NAALADL2: variants seen among roughly 807,000 people sequenced by gnomAD.
NAALADL2 encodes N-acetylated alpha-linked acidic dipeptidase like 2.
NAALADL2 carries 76 observed loss-of-function variants against 87.2 expected under a neutral mutation model. The ratio of observed to expected loss-of-function variants is 0.87; its 90% confidence interval spans 0.72 to 1.05. The LOEUF (loss-of-function observed/expected upper bound fraction) is 1.05, where lower values mean the gene tolerates loss of function less well. Among genes scored for constraint, NAALADL2 ranks in the 50% least tolerant of loss-of-function variants. The pLI is 0.00. For missense variants in NAALADL2, 1,089 were observed against 945.8 expected (o/e 1.15, Z -1.99); for synonymous variants, 354 against 331.0 (o/e 1.07, Z -0.75).
chr3:174,960,034 T>C, intron 1 of NAALADL2, among the ~76,000 whole-genome samples: 1 of 152,024 alleles, frequency 6.6e-6, no homozygotes, highest in East Asian at 1.9e-4. Flanking sequence ...GATGGGAGTC[T>C]TGTGGGGGCA....
At chr3:175,668,078 G>A (rs1202869734) in intron 11 of NAALADL2, among the ~76,000 whole-genome samples, 1 of 152,110 alleles carries the variant, frequency 6.6e-6, no homozygotes, top group East Asian at 1.9e-4. Context: ...AAGAGTTACT[G>A]TAGCCCCTTC....
chr3:174,850,757 G>A (rs1725151113), intron 3 of NAALADL2, among the ~76,000 whole-genome samples: 1 of 152,040 alleles, frequency 6.6e-6, no homozygotes, highest in African/African-American at 2.4e-5. Context: ...TATAGATCAA[G>A]TGAATCTAAT....
At chr3:175,484,284 T>C (rs1278779857) in intron 9 of NAALADL2, among the ~76,000 whole-genome samples, 1 of 152,152 alleles carries the variant, frequency 6.6e-6, no homozygotes, top group African/African-American at 2.4e-5. Context: ...ATAATCAGTA[T>C]TTTCAAATCA....
chr3:174,566,400 T>C (rs1346358530), intron 2 of NAALADL2, among the ~76,000 whole-genome samples: 1 of 151,872 alleles, frequency 6.6e-6, no homozygotes, highest in Non-Finnish European at 1.5e-5. Context: ...AGGCTTTATT[T>C]GTAGAGGATC....
intron 5 of NAALADL2, among the ~76,000 whole-genome samples, chr3:175,334,085 A>G (rs948551801): frequency 6.6e-6 from 1 of 152,084 alleles, no homozygotes; most frequent in East Asian, 1.9e-4. Context: ...CTTATCTTGT[A>G]TTTTCTCCAC....
intron 1 of NAALADL2, among the ~76,000 whole-genome samples, chr3:174,939,089 A>G (rs1738175312): frequency 6.6e-6 from 1 of 151,984 alleles, no homozygotes; most frequent in Non-Finnish European, 1.5e-5. Flanking sequence ...GTCCATTCCT[A>G]TATCCAGGAT....
intron 9 of NAALADL2, among the ~76,000 whole-genome samples, chr3:175,522,624 C>T (rs1007776063): frequency 6.6e-6 from 1 of 152,194 alleles, no homozygotes; most frequent in African/African-American, 2.4e-5. Context: ...CATGTAAAAA[C>T]AACAAATCTA....
chr3:175,687,130 T>C (rs1335414741), intron 11 of NAALADL2, among the ~76,000 whole-genome samples: 1 of 152,172 alleles, frequency 6.6e-6, no homozygotes, highest in Non-Finnish European at 1.5e-5. Flanking sequence ...TCCTAAATGG[T>C]GTCTTAAATG....
chr3:175,088,840 G>A (rs1038555971), intron 1 of NAALADL2, among the ~76,000 whole-genome samples: 2 of 152,176 alleles, frequency 1.3e-5, no homozygotes, highest in Non-Finnish European at 2.9e-5. Context: ...ATTGTCTTGA[G>A]GTGTTAACTC....
chr3:174,849,689 C>T (rs1026792659), intron 3 of NAALADL2, among the ~76,000 whole-genome samples: 22 of 140,574 alleles, frequency 1.6e-4, no homozygotes, highest in South Asian at 4.5e-4. Context: ...GAGCTGAGAT[C>T]GCGCCATTGC....
intron 1 of NAALADL2, among the ~76,000 whole-genome samples, chr3:174,445,678 T>C (rs1397878740): frequency 6.6e-6 from 1 of 152,114 alleles, no homozygotes; most frequent in Non-Finnish European, 1.5e-5. Context: ...AACTATAAAG[T>C]TGATGTGATT....
chr3:174,627,696 C>A (rs1027947034), intron 2 of NAALADL2, among the ~76,000 whole-genome samples: 2 of 152,144 alleles, frequency 1.3e-5, no homozygotes, highest in Non-Finnish European at 2.9e-5. Context: ...CTGTGTTCAT[C>A]AACAGATGAC....
chr3:175,264,510 T>C (rs1439827459), intron 4 of NAALADL2, among the ~76,000 whole-genome samples: 1 of 151,786 alleles, frequency 6.6e-6, no homozygotes, highest in Non-Finnish European at 1.5e-5. Context: ...TATTAGTCTC[T>C]CAAGACTGCA....
chr3:174,705,783 A>C (rs1730011982), intron 2 of NAALADL2, among the ~76,000 whole-genome samples: 1 of 19,582 alleles, frequency 5.1e-5, no homozygotes, highest in East Asian at 1.4e-3. Flanking sequence ...ACTCCGTCTC[A>C]AAAAAAAAAA....
At chr3:174,466,733 GC>G (rs1716554582) in intron 1 of NAALADL2, among the ~76,000 whole-genome samples, 3 of 152,132 alleles carry the variant, frequency 2.0e-5, no homozygotes, top group Admixed American at 6.5e-5. Context: ...GGTGACTCCT[GC>G]CCCATATGAG....
intron 12 of NAALADL2, among the ~76,000 whole-genome samples, chr3:175,744,614 A>G (rs1745680734): frequency 6.6e-6 from 1 of 152,238 alleles, no homozygotes; most frequent in African/African-American, 2.4e-5. Flanking sequence ...ATACATTTTT[A>G]TATTTTACTT....
chr3:175,788,075 C>T (rs1203543527), intron 13 of NAALADL2, among the ~76,000 whole-genome samples: 1 of 145,354 alleles, frequency 6.9e-6, no homozygotes, highest in East Asian at 2.0e-4. Context: ...CACAGGTGTA[C>T]AGTTTTTTAC....
intron 1 of NAALADL2, among the ~76,000 whole-genome samples, chr3:174,864,818 G>T (rs58629076): frequency 0.023 from 3,517 of 152,068 alleles, 110 homozygotes; most frequent in African/African-American, 0.068. Context: ...ACAGTTTTTT[G>T]GGGGAGGACT....
At chr3:175,659,876 CG>C (rs1489335347) in intron 11 of NAALADL2, among the ~76,000 whole-genome samples, 7 of 152,100 alleles carry the variant, frequency 4.6e-5, no homozygotes, top group Non-Finnish European at 1.0e-4. Context: ...AAACTGAATT[CG>C]GTTTTCAGTT....
Sources: gnomAD v4.1 joint callset for allele counts (sites outside exome capture counted in the v4.1 genomes callset) on GRCh38, gnomAD v4.1.1 for gene constraint, MANE v1.5 for transcripts, NCBI Gene and HGNC (gene_info 2026-07-23, HGNC 2026-07-21) for gene names.